USP24: variants seen among roughly 807,000 people sequenced by gnomAD.
USP24 encodes the protein ubiquitin specific peptidase 24, also known as ubiquitin carboxyl-terminal hydrolase 24.
USP24 carries 97 observed loss-of-function variants against 361.6 expected under a neutral mutation model. The ratio of observed to expected loss-of-function variants is 0.27; its 90% CI spans 0.23 to 0.32. USP24 has a LOEUF of 0.32. Ranked by LOEUF, USP24 falls within the 10% of genes least tolerant of loss-of-function variation. The probability of loss-of-function intolerance (pLI) is 1.00; values close to 1 mark genes in which losing one functional copy is unlikely to be tolerated. For synonymous variants in USP24, 1,098 were observed against 1,124.6 expected (o/e 0.98, Z 0.47); for missense variants, 2,353 against 3,165.6 (o/e 0.74, Z 6.16).
chr1:55,209,927 T>C (rs768485561), intron 1 of USP24, among the ~76,000 whole-genome samples: 15 of 152,200 alleles, frequency 9.9e-5, no homozygotes, highest in Non-Finnish European at 1.8e-4. Context: ...AGGCAGTAAG[T>C]ATAAAAATAC....
At chr1:55,153,814 A>G (rs1647345064) in intron 16 of USP24, 56 bp downstream of exon 16, 1 of 1,441,380 alleles carries the variant, frequency 6.9e-7, no homozygotes, top group Non-Finnish European at 9.4e-7. Flanking sequence ...GTAATTTATT[A>G]AAGGAAATTA....
chr1:55,086,897 G>A (rs764902980), intron 55 of USP24, among the ~76,000 whole-genome samples: 2 of 152,122 alleles, frequency 1.3e-5, no homozygotes, highest in South Asian at 2.1e-4. Flanking sequence ...CTACTTCTGC[G>A]TGTGTTTAAA....
intron 34 of USP24, among the ~76,000 whole-genome samples, chr1:55,124,978 T>A (rs1646385535): frequency 6.6e-6 from 1 of 152,190 alleles, no homozygotes; most frequent in African/African-American, 2.4e-5. Flanking sequence ...TCCAACTTTC[T>A]AAGTACTTAT....
intron 1 of USP24, among the ~76,000 whole-genome samples, chr1:55,205,791 G>A (rs554161060): frequency 5.3e-5 from 8 of 152,056 alleles, no homozygotes; most frequent in African/African-American, 1.2e-4. Flanking sequence ...TCTAAAACAC[G>A]GAAAAATAGG....
chr1:55,182,502 T>TTA (rs1644004346), intron 1 of USP24, among the ~76,000 whole-genome samples: 3 of 152,184 alleles, frequency 2.0e-5, no homozygotes, highest in Admixed American at 1.3e-4. Flanking sequence ...GGGATATCCA[T>TTA]CATTAATTTC....
intron 50 of USP24, among the ~76,000 whole-genome samples, chr1:55,095,657 G>A (rs2274541): frequency 6.6e-6 from 1 of 152,132 alleles, no homozygotes; most frequent in African/African-American, 2.4e-5. Flanking sequence ...TATGGTAATG[G>A]AGTAAGAGAA....
intron 62 of USP24, 102 bp from the exon 63 acceptor site, chr1:55,075,625 G>A (rs939976094): frequency 3.0e-5 from 19 of 624,580 alleles, no homozygotes; most frequent in East Asian, 1.2e-4. Context: ...TTTAGTGTTT[G>A]ACAACAACAA....
chr1:55,207,568 A>G (rs1214896796), intron 1 of USP24, among the ~76,000 whole-genome samples: 3 of 152,248 alleles, frequency 2.0e-5, no homozygotes, highest in Non-Finnish European at 4.4e-5. Flanking sequence ...TACAAACAAG[A>G]AACAATATGA....
At chr1:55,113,889 T>C (rs1011834148) in intron 38 of USP24, among the ~76,000 whole-genome samples, 1 of 152,148 alleles carries the variant, frequency 6.6e-6, no homozygotes, top group Non-Finnish European at 1.5e-5. Flanking sequence ...TTATTTAACA[T>C]AGTATTGGAA....
Position 55,099,745 on chromosome 1 carries a change from TAGAGGG to T in USP24, c.5370+20_5370+25del, listed in dbSNP as rs1344015637. 6.7e-7 allele frequency: 1 copy of T among 1,495,680 alleles called. No homozygotes were observed. The highest frequency in any genetic ancestry group is 9.1e-7 in the Non-Finnish European group (1 of 1,098,062). 92.7% of individuals were successfully genotyped at this position (1,495,680 alleles called of 1,614,324 possible). On this transcript the variant is annotated intron_variant, in intron 45 of 67. Coordinates refer to ENST00000294383, the MANE Select transcript of USP24 (RefSeq NM_015306.3). ...TACTATAATTAGAGTTTGAGGGAGT[TAGAGGG>T]AAAGTACAACTTTTACTACCTTGAG...
chr1:55,080,681 C>G (rs1285116441), intron 59 of USP24, among the ~76,000 whole-genome samples: 1 of 152,148 alleles, frequency 6.6e-6, no homozygotes, highest in African/African-American at 2.4e-5. Flanking sequence ...ACTATCATGA[C>G]AAGACCCAGG....
In USP24 at chr1:55,206,641, T is replaced by C. The variant is rs1644711821; in HGVS notation, c.324+8149A>G. On this transcript the variant is annotated intron_variant, in intron 1 of 67. Coordinates refer to ENST00000294383, the MANE Select transcript of USP24 (RefSeq NM_015306.3). ...AGAAATCATTTCTTGTGCCAGTGAA[T>C]GGCAGAGAAAAACAGTAAAAAAAAA... Among the ~76,000 whole-genome samples the C allele has an allele frequency of 3.4e-5, 4 of 117,322 alleles. No homozygotes were observed. In the Admixed American group the frequency reaches 4.3e-4, roughly 13 times the overall value. The allele number at this position is 117,322 out of a possible 152,430, so 77.0% of individuals were successfully genotyped here. A position where few individuals can be genotyped will look rare whatever the true frequency, so the allele number is the denominator to read the frequency against.
chr1:55,107,841 CAAAAAAAAAAAAAA>C (rs777328294), intron 39 of USP24, among the ~76,000 whole-genome samples: 2 of 38,262 alleles, frequency 5.2e-5, no homozygotes, highest in South Asian at 2.2e-3. Context: ...GACTCTGTCT[CAAAAAAAAAAAAAA>C]AAAAAAAAAA....
At chr1:55,177,234 T>C (rs141902045) in intron 2 of USP24, among the ~76,000 whole-genome samples, 37 of 152,342 alleles carry the variant, frequency 2.4e-4, no homozygotes, top group African/African-American at 8.4e-4. Flanking sequence ...ACAATTCACA[T>C]AGTAAGTGAT....
At chr1:55,159,538 C>A in intron 9 of USP24, 73 bp downstream of exon 9, 1 of 1,308,954 alleles carries the variant, frequency 7.6e-7, no homozygotes, top group South Asian at 1.3e-5. Flanking sequence ...GGTGTGTGAA[C>A]CCTGCTAAGT....
chr1:55,073,051 G>A (rs915716093), intron 64 of USP24, 190 bp from the exon 65 acceptor site: 1 of 587,718 alleles, frequency 1.7e-6, no homozygotes, highest in Non-Finnish European at 3.0e-6. Context: ...CAGGGGCTGG[G>A]GGAAGGGAGG....
At chr1:55,163,436 C>G (rs1648501509) in intron 7 of USP24, among the ~76,000 whole-genome samples, 1 of 151,880 alleles carries the variant, frequency 6.6e-6, no homozygotes, top group African/African-American at 2.4e-5. Flanking sequence ...AAACACGTCA[C>G]CCAAAGAGAC....
chr1:55,214,909 C>A lies in USP24; in HGVS notation c.205G>T (p.Gly69Cys). ...GGGPSPGPGGGPRGDGGGDGG... is the reference protein window; with the variant it reads ...GGGPSPGPGGCPRGDGGGDGG... ...TCACCTCCGCCGTCGCCCCGCGGGC[C>A]CCCGCCGGGCCCGGGGCTGGGGCCA... The change falls in exon 1 of 68, where the codon GGC (glycine) becomes TGC (cysteine). Residue 69 changes from glycine to cysteine, a missense_variant. Gly to Cys is a radical substitution (Grantham distance 159). Coordinates refer to ENST00000294383, the MANE Select transcript of USP24 (RefSeq NM_015306.3). The A allele has an allele frequency of 6.2e-6, 8 of 1,289,180 alleles. No homozygotes were observed. The highest frequency in any genetic ancestry group is 2.3e-5 in the South Asian group (1 of 43,364). 79.9% of individuals were successfully genotyped at this position (1,289,180 alleles called of 1,614,324 possible).
intron 16 of USP24, 145 bp from the exon 17 acceptor site, chr1:55,148,715 T>TC: frequency 1.7e-6 from 1 of 598,492 alleles, no homozygotes; most frequent in Non-Finnish European, 2.9e-6. Flanking sequence ...AGAGCTTATC[T>TC]CCATGCACTC....
Sources: allele counts gnomAD v4.1 joint callset (sites outside exome capture counted in the v4.1 genomes callset), GRCh38; gene constraint gnomAD v4.1.1; transcripts MANE v1.5; gene names NCBI Gene and HGNC (gene_info 2026-07-23, HGNC 2026-07-21).